Variants in C2orf76 observed in about 807,000 individuals in gnomAD.
The protein encoded by C2orf76 is UPF0538 protein C2orf76.
In C2orf76, 23 loss-of-function variants were observed where a neutral mutation model predicts 16.9. The ratio of observed to expected loss-of-function variants is 1.36; its 90% confidence interval spans 0.98 to 1.93. The LOEUF (loss-of-function observed/expected upper bound fraction) is 1.93, where lower values mean the gene tolerates loss of function less well. Among genes scored for constraint, C2orf76 ranks in the 30% most tolerant of loss-of-function variants. The pLI is 0.00. For synonymous variants in C2orf76, 48 were observed against 52.3 expected, an observed-to-expected ratio of 0.92 and a Z score of 0.35; for missense variants, 152 against 152.6, an observed-to-expected ratio of 1.00 and a Z score of 0.02.
chr2:119,311,665 T>G lies in C2orf76; in HGVS notation c.261A>C (p.Arg87Ser), dbSNP rs138559537. The change falls in exon 5 of 6, where the codon AGA becomes AGC. Residue 87 changes from arginine (R) to serine (S), a missense_variant. Physicochemically the swap from Arg to Ser is moderately radical, Grantham distance 110. Transcript: ENST00000334816. The stretch of plus-strand genomic sequence containing the variant: ...GAGTGCTGTCTTCTTTCAGCAGGAG[T>G]CTTTCGTCATCTTCCAAACTCAACA... Reference protein sequence around the residue: ...ELVLSLEDDERLLLKEDSTLK... With the variant: ...ELVLSLEDDESLLLKEDSTLK... 1,091 of 1,611,444 alleles carry G rather than the reference T, an allele frequency of 6.8e-4. 12 individuals carry two copies. In the African/African-American group the frequency reaches 0.013, roughly 19 times the overall value.
At chr2:119,288,357 C>T in the C2orf76 span, among the ~76,000 whole-genome samples, 1 of 151,762 alleles carries the variant, frequency 6.6e-6, no homozygotes, top group Non-Finnish European at 1.5e-5. Context: ...GGGGTTTCAC[C>T]GTGGTCTCTA....
intron 5 of C2orf76, among the ~76,000 whole-genome samples, chr2:119,306,829 C>G (rs1293331344): frequency 1.3e-5 from 2 of 152,098 alleles, no homozygotes; most frequent in Non-Finnish European, 2.9e-5. Flanking sequence ...CCACGGGGAT[C>G]TGCAGTGCAG....
rs561071200 is a variant in C2orf76, at chr2:119,331,033, T to G, written c.133+8794A>C. Among the ~76,000 whole-genome samples the G allele has an allele frequency of 4.6e-5, 7 of 152,356 alleles. No homozygotes were observed. The East Asian group carries it at 1.2e-3, about 25-fold the overall frequency. ...GGGTTGGTTTCAATAGACTGATTTTTTTTTTCTGCTCATTATGGGTCATAC... is the reference window on the plus strand; with the variant it reads ...GGGTTGGTTTCAATAGACTGATTTTGTTTTTCTGCTCATTATGGGTCATAC... On this transcript the variant is annotated intron_variant, in intron 2 of 5. Coordinates refer to ENST00000334816, the MANE Select transcript of C2orf76 (RefSeq NM_001322331.2).
downstream of C2orf76, among the ~76,000 whole-genome samples, chr2:119,298,752 A>G (rs193232620): frequency 3.9e-5 from 6 of 152,110 alleles, no homozygotes; most frequent in Non-Finnish European, 8.8e-5. Flanking sequence ...TTTGTGAACA[A>G]TACATTTTAG....
At chr2:119,320,182 CACATAG>C (rs1679300558) in intron 3 of C2orf76, among the ~76,000 whole-genome samples, 1 of 152,064 alleles carries the variant, frequency 6.6e-6, no homozygotes, top group African/African-American at 2.4e-5. Flanking sequence ...CACAGCTTTG[CACATAG>C]ACATATAGAT....
At chr2:119,311,504 T>G (rs1482575493) in intron 5 of C2orf76, 118 bp downstream of exon 5, 1 of 1,460,836 alleles carries the variant, frequency 6.8e-7, no homozygotes, top group East Asian at 2.5e-5. Flanking sequence ...TACCGGGCAG[T>G]GTCAGGGGGA....
chr2:119,341,207 C>G (rs1464937812), intron 1 of C2orf76, among the ~76,000 whole-genome samples: 1 of 152,150 alleles, frequency 6.6e-6, no homozygotes, highest in African/African-American at 2.4e-5. Context: ...CAGGGTCTCA[C>G]TCTGTCACCC....
chr2:119,346,313 T>G (rs548750271), intron 1 of C2orf76, among the ~76,000 whole-genome samples: 83 of 152,336 alleles, frequency 5.4e-4, no homozygotes, highest in African/African-American at 2.0e-3. Flanking sequence ...CAAAAAGTTA[T>G]GTTAACACAA....
Position 119,311,616 on chromosome 2 carries a change from C to T in C2orf76, c.304+6G>A, listed in dbSNP as rs368805027. On this transcript the variant is annotated splice_donor_region_variant and intron_variant, in intron 5 of 5. Coordinates refer to ENST00000334816, the MANE Select transcript of C2orf76 (RefSeq NM_001322331.2). ...CCCTCCAGCAACACAAGGCCCCCTT[C>T]CTCACCGATTCCAGCTGCTTTCAGA... is the stretch of plus-strand genomic sequence containing the variant. 13 of 1,612,754 alleles carry T rather than the reference C, an allele frequency of 8.1e-6. No individual in the cohort carries two copies. Among genetic ancestry groups the T allele is most frequent in the South Asian group, 5.5e-5 (5 of 90,894 alleles).
intron 1 of C2orf76, chr2:119,366,390 C>T: frequency 2.1e-6 from 1 of 470,410 alleles, no homozygotes; most frequent in Non-Finnish European, 4.4e-6. Flanking sequence ...CATAAATGTG[C>T]AATACAGGCC....
intron 1 of C2orf76, among the ~76,000 whole-genome samples, chr2:119,354,855 C>A (rs1187218446): frequency 6.6e-6 from 1 of 152,230 alleles, no homozygotes; most frequent in East Asian, 1.9e-4. Context: ...TGCTGACTGG[C>A]ACATGCTTCT....
chr2:119,301,708 T>C (rs992963391), downstream of C2orf76, among the ~76,000 whole-genome samples: 2 of 152,132 alleles, frequency 1.3e-5, no homozygotes, highest in African/African-American at 4.8e-5. Flanking sequence ...CCACAAGTAT[T>C]ATATTATTTA....
intron 1 of C2orf76, among the ~76,000 whole-genome samples, chr2:119,360,387 G>A (rs775303553): frequency 1.4e-5 from 2 of 145,406 alleles, no homozygotes; most frequent in South Asian, 2.2e-4. Flanking sequence ...TGGGGCAGGA[G>A]AATCGCTTGA....
chr2:119,364,824 C>T (rs1257957342), intron 1 of C2orf76, among the ~76,000 whole-genome samples: 1 of 152,078 alleles, frequency 6.6e-6, no homozygotes, highest in Non-Finnish European at 1.5e-5. Context: ...CACACCTGTA[C>T]TCCCACCACG....
At chr2:119,285,785 G>T in the C2orf76 span, among the ~76,000 whole-genome samples, 2 of 152,296 alleles carry the variant, frequency 1.3e-5, no homozygotes, top group East Asian at 3.9e-4. Flanking sequence ...ATATGGTATA[G>T]CAAGGAAAGT....
At chr2:119,357,649 A>T (rs1199246231) in intron 1 of C2orf76, among the ~76,000 whole-genome samples, 1 of 152,108 alleles carries the variant, frequency 6.6e-6, no homozygotes, top group Non-Finnish European at 1.5e-5. Flanking sequence ...GAAAGACTGA[A>T]TGCTTTCCCC....
chr2:119,327,336 A>AT (rs34185420), intron 2 of C2orf76, among the ~76,000 whole-genome samples: 8,371 of 68,622 alleles, frequency 0.12, 1,685 homozygotes, highest in African/African-American at 0.16. Flanking sequence ...AATTACATGG[A>AT]TTTTTTTTTT....
the C2orf76 span, among the ~76,000 whole-genome samples, chr2:119,286,185 C>T: frequency 2.8e-4 from 42 of 148,268 alleles, no homozygotes; most frequent in African/African-American, 8.8e-4. Context: ...AAGATCATGC[C>T]GCCGCACTCC....
intron 5 of C2orf76, among the ~76,000 whole-genome samples, chr2:119,309,976 G>C (rs1392132821): frequency 6.6e-6 from 1 of 151,926 alleles, no homozygotes; most frequent in African/African-American, 2.4e-5. Context: ...AATTTATTTT[G>C]TAATAAAAAC....
Sources: gnomAD v4.1 joint callset for allele counts (sites outside exome capture counted in the v4.1 genomes callset) on GRCh38, gnomAD v4.1.1 for gene constraint, MANE v1.5 for transcripts, NCBI Gene and HGNC (gene_info 2026-07-23, HGNC 2026-07-21) for gene names.